The following SPHKAP variants were observed in gnomAD, a reference collection of about 807,000 sequenced individuals.
SPHKAP encodes SPHK1 interactor, AKAP domain containing, also known as A-kinase anchor protein SPHKAP.
Under a neutral mutation model 137.5 loss-of-function variants are expected in SPHKAP, and 67 were observed. The observed-to-expected ratio is 0.49, with a 90% CI of 0.40 to 0.60. The LOEUF is 0.60. SPHKAP is among the 20% of genes least tolerant of loss of function. The probability of loss-of-function intolerance (pLI) is 0.00; values close to 1 mark genes in which losing one functional copy is unlikely to be tolerated. For missense variants in SPHKAP, 2,097 were observed against 2,069.3 expected, an observed-to-expected ratio of 1.01 and a Z score of -0.26; for synonymous variants, 813 against 785.3, an observed-to-expected ratio of 1.04 and a Z score of -0.59.
At chr2:228,175,733 T>C (rs1335849355) in intron 1 of SPHKAP, among the ~76,000 whole-genome samples, 2 of 151,918 alleles carry the variant, frequency 1.3e-5, no homozygotes, top group East Asian at 3.9e-4. Flanking sequence ...AAAAAAGAGA[T>C]TTTTAGATGA....
intron 3 of SPHKAP, among the ~76,000 whole-genome samples, chr2:228,066,120 GC>G (rs1332070872): frequency 6.6e-6 from 1 of 152,170 alleles, no homozygotes; most frequent in African/African-American, 2.4e-5. Flanking sequence ...TAAGAGCCAA[GC>G]AAAACCCTGT....
At position 227,999,819 on chromosome 2, in the gene SPHKAP, T is replaced by C. The variant is rs534338233; in HGVS notation, c.4449-4125A>G. ...ATAATGCACAGAGGTGTTGTGCAGA[T>C]GCATGCAGATGGCTTCCCCCTTCTT... On this transcript the variant is annotated intron_variant, in intron 7 of 11. Coordinates refer to ENST00000392056, the MANE Select transcript of SPHKAP (RefSeq NM_001142644.2). 3.0e-4 allele frequency among the ~76,000 whole-genome samples: 45 copies of C among 152,336 alleles called. No homozygotes were observed. The South Asian group carries it at 9.3e-3, about 32-fold the overall frequency.
At chr2:228,097,653 C>T (rs1698027565) in intron 3 of SPHKAP, among the ~76,000 whole-genome samples, 1 of 152,112 alleles carries the variant, frequency 6.6e-6, no homozygotes, top group African/African-American at 2.4e-5. Context: ...CATCTCTTGC[C>T]TCTTCCCACA....
At chr2:228,153,885 G>A (rs1700015425) in intron 1 of SPHKAP, among the ~76,000 whole-genome samples, 1 of 152,144 alleles carries the variant, frequency 6.6e-6, no homozygotes, top group African/African-American at 2.4e-5. Context: ...AATGTGGATA[G>A]CATAAGAGAG....
chr2:228,075,674 A>C (rs907145579), intron 3 of SPHKAP, among the ~76,000 whole-genome samples: 1 of 152,210 alleles, frequency 6.6e-6, no homozygotes, highest in Non-Finnish European at 1.5e-5. Context: ...GGAAAAGAAA[A>C]AGCAATGTTT....
intron 3 of SPHKAP, among the ~76,000 whole-genome samples, chr2:228,053,845 A>G (rs542944763): frequency 6.6e-6 from 1 of 152,058 alleles, no homozygotes; most frequent in African/African-American, 2.4e-5. Context: ...CACATCTCTC[A>G]TCCATTGTCC....
At chr2:228,177,470 C>T (rs756401822) in intron 1 of SPHKAP, among the ~76,000 whole-genome samples, 14 of 152,132 alleles carry the variant, frequency 9.2e-5, no homozygotes, top group Admixed American at 2.0e-4. Flanking sequence ...GGCAGTATTT[C>T]GTACTTGTCC....
At chr2:228,172,330 C>G (rs1023351244) in intron 1 of SPHKAP, among the ~76,000 whole-genome samples, 2 of 152,154 alleles carry the variant, frequency 1.3e-5, no homozygotes, top group Non-Finnish European at 2.9e-5. Flanking sequence ...CTCCATGTCT[C>G]TAGGAGAAGC....
intron 3 of SPHKAP, among the ~76,000 whole-genome samples, chr2:228,094,338 G>C (rs547409459): frequency 6.6e-6 from 1 of 152,130 alleles, no homozygotes; most frequent in Non-Finnish European, 1.5e-5. Context: ...TTGCTGTTTT[G>C]TTTTCTCACC....
chr2:228,159,938 G>T (rs1559207175), intron 1 of SPHKAP, among the ~76,000 whole-genome samples: 1 of 152,320 alleles, frequency 6.6e-6, no homozygotes, highest in South Asian at 2.1e-4. Flanking sequence ...CTGTTCTGGG[G>T]CTAGGAGCCT....
chr2:228,148,882 T>C (rs1018236783), intron 1 of SPHKAP, among the ~76,000 whole-genome samples: 6 of 152,298 alleles, frequency 3.9e-5, no homozygotes, highest in Non-Finnish European at 8.8e-5. Flanking sequence ...CAGGCTGTTT[T>C]AAAAAGAACA....
At chr2:228,067,970 T>G (rs1397039787) in intron 3 of SPHKAP, among the ~76,000 whole-genome samples, 1 of 152,200 alleles carries the variant, frequency 6.6e-6, no homozygotes, top group Non-Finnish European at 1.5e-5. Context: ...TATGATCTTA[T>G]ATTTATAAAA....
chr2:228,056,269 C>T (rs940600457), intron 3 of SPHKAP, among the ~76,000 whole-genome samples: 1 of 152,152 alleles, frequency 6.6e-6, no homozygotes, highest in African/African-American at 2.4e-5. Flanking sequence ...GTGCCCAGCA[C>T]CTATCAAAGT....
intron 11 of SPHKAP, among the ~76,000 whole-genome samples, chr2:227,987,902 G>C (rs1007721514): frequency 2.0e-5 from 3 of 152,166 alleles, no homozygotes; most frequent in Non-Finnish European, 2.9e-5. Flanking sequence ...AGGAACTCAG[G>C]GATTCATCTG....
intron 7 of SPHKAP, among the ~76,000 whole-genome samples, chr2:227,998,679 C>T (rs1356913003): frequency 1.3e-5 from 2 of 152,056 alleles, no homozygotes; most frequent in African/African-American, 2.4e-5. Flanking sequence ...GTCTGGCTAA[C>T]ATAGAGATAC....
At chr2:228,001,550 T>C (rs1693898473) in intron 7 of SPHKAP, among the ~76,000 whole-genome samples, 1 of 145,704 alleles carries the variant, frequency 6.9e-6, no homozygotes, top group Non-Finnish European at 1.5e-5. Context: ...AATATACATA[T>C]ATATAAAAAT....
At chr2:228,125,465 A>T (rs1699046062) in intron 2 of SPHKAP, among the ~76,000 whole-genome samples, 1 of 152,164 alleles carries the variant, frequency 6.6e-6, no homozygotes, top group Non-Finnish European at 1.5e-5. Context: ...GCATACACAA[A>T]CCTTTTTGTA....
At chr2:228,058,576 C>A (rs370555762) in intron 3 of SPHKAP, among the ~76,000 whole-genome samples, 1 of 152,152 alleles carries the variant, frequency 6.6e-6, no homozygotes, top group African/African-American at 2.4e-5. Context: ...GTTACCTGTG[C>A]CCCGCTCCCC....
chr2:228,089,357 G>T (rs1173998365), intron 3 of SPHKAP, among the ~76,000 whole-genome samples: 1 of 152,204 alleles, frequency 6.6e-6, no homozygotes, highest in Non-Finnish European at 1.5e-5. Flanking sequence ...GTGTTCAAGT[G>T]GCAGCATGAC....
Sources: gnomAD v4.1 joint callset for allele counts (sites outside exome capture counted in the v4.1 genomes callset) on GRCh38, gnomAD v4.1.1 for gene constraint, MANE v1.5 for transcripts, NCBI Gene and HGNC (gene_info 2026-07-23, HGNC 2026-07-21) for gene names.